Variants in TBL1XR1 observed in about 807,000 individuals in gnomAD.
TBL1XR1 encodes F-box-like/WD repeat-containing protein TBL1XR1.
Under a neutral mutation model 66.9 loss-of-function variants are expected in TBL1XR1, and 5 were observed. That is an observed-to-expected ratio of 0.07 (90% CI 0.04 to 0.16). The LOEUF (loss-of-function observed/expected upper bound fraction) is 0.16, where lower values mean the gene tolerates loss of function less well. Ranked by LOEUF, TBL1XR1 falls within the 10% of genes least tolerant of loss-of-function variation. The pLI is 1.00. For missense variants in TBL1XR1, 238 were observed against 623.2 expected, an observed-to-expected ratio of 0.38 and a Z score of 6.58; for synonymous variants, 210 against 206.0, an observed-to-expected ratio of 1.02 and a Z score of -0.17.
intron 2 of TBL1XR1, among the ~76,000 whole-genome samples, chr3:177,075,770 C>T (rs1393181669): frequency 6.6e-6 from 1 of 152,122 alleles, no homozygotes; most frequent in Non-Finnish European, 1.5e-5. Flanking sequence ...TGCTTTCTAG[C>T]AAAGTTCTAA....
chr3:177,156,514 T>TACATACAC (rs1553858975), intron 1 of TBL1XR1, among the ~76,000 whole-genome samples: 792 of 60,498 alleles, frequency 0.013, 11 homozygotes, highest in African/African-American at 0.031. Flanking sequence ...ATTATATATA[T>TACATACAC]ACATACACAC....
intron 3 of TBL1XR1, among the ~76,000 whole-genome samples, chr3:177,063,738 A>G (rs1390061146): frequency 6.6e-6 from 1 of 152,222 alleles, no homozygotes; most frequent in African/African-American, 2.4e-5. Flanking sequence ...AACAAGAGCT[A>G]TTAACTTCAA....
rs761210577 is a variant in TBL1XR1 at position 177,026,481 on chromosome 3, G to A, written c.1417-7C>T. 6.4e-7 allele frequency: 1 copy of A among 1,567,096 alleles called. No homozygotes were observed. Among genetic ancestry groups the A allele is most frequent in the Non-Finnish European group, 8.6e-7 (1 of 1,163,876 alleles). On this transcript the variant is annotated splice_polypyrimidine_tract_variant and splice_region_variant and intron_variant, in intron 14 of 15. Transcript: ENST00000457928. ...TGTGAACTAGAGCACCTGTCTAAAA[G>A]AATGAAAAACAAAATCTTAAAAATC...
At chr3:177,171,135 G>GT (rs1733439167) in intron 1 of TBL1XR1, among the ~76,000 whole-genome samples, 2 of 151,320 alleles carry the variant, frequency 1.3e-5, no homozygotes, top group Admixed American at 6.6e-5. Context: ...GAGGTCAGGT[G>GT]TTTAAGACAC....
intron 10 of TBL1XR1, among the ~76,000 whole-genome samples, chr3:177,040,648 T>A (rs920936148): frequency 5.9e-5 from 9 of 151,996 alleles, no homozygotes; most frequent in East Asian, 1.9e-4. Context: ...TTTTTTTTTT[T>A]AAAAGATAAA....
intron 1 of TBL1XR1, among the ~76,000 whole-genome samples, chr3:177,135,429 G>A (rs1462205151): frequency 7.1e-6 from 1 of 140,332 alleles, no homozygotes; most frequent in East Asian, 2.0e-4. Context: ...TGTCGCCCAG[G>A]CTGGAGTACA....
chr3:177,054,081 C>T (rs559205936), intron 3 of TBL1XR1, among the ~76,000 whole-genome samples, 163 bp from the exon 4 acceptor site: 97 of 150,370 alleles, frequency 6.5e-4, no homozygotes, highest in African/African-American at 1.7e-3. Context: ...TGTGCGCGCG[C>T]GTGTGTGTGC....
At chr3:177,124,821 ATC>A (rs1727413751) in intron 1 of TBL1XR1, among the ~76,000 whole-genome samples, 1 of 152,176 alleles carries the variant, frequency 6.6e-6, no homozygotes, top group Non-Finnish European at 1.5e-5. Flanking sequence ...ATTCATAAAA[ATC>A]TGTCACTGTA....
At chr3:177,186,425 A>G (rs1430347135) in intron 1 of TBL1XR1, among the ~76,000 whole-genome samples, 2 of 152,200 alleles carry the variant, frequency 1.3e-5, no homozygotes, top group African/African-American at 4.8e-5. Context: ...AGATAAATTC[A>G]TTATCTATTC....
At chr3:177,198,328 CTGTT>C (rs1372306788), upstream of TBL1XR1, among the ~76,000 whole-genome samples, 1 of 152,110 alleles carries the variant, frequency 6.6e-6, no homozygotes, top group Non-Finnish European at 1.5e-5. Context: ...TCTGGTGGGT[CTGTT>C]TGAAAGGTTT....
intron 2 of TBL1XR1, among the ~76,000 whole-genome samples, chr3:177,065,623 T>C (rs1261135009): frequency 6.6e-6 from 1 of 152,316 alleles, no homozygotes; most frequent in East Asian, 1.9e-4. Flanking sequence ...ACTTAAACCT[T>C]AACACGAAGT....
At chr3:177,125,346 A>G (rs1029081222) in intron 1 of TBL1XR1, among the ~76,000 whole-genome samples, 2 of 152,166 alleles carry the variant, frequency 1.3e-5, no homozygotes, top group African/African-American at 2.4e-5. Flanking sequence ...CAAAATCACA[A>G]TGAGGTGCCA....
chr3:177,061,525 C>T (rs961911126), intron 3 of TBL1XR1, among the ~76,000 whole-genome samples: 1 of 152,122 alleles, frequency 6.6e-6, no homozygotes, highest in Non-Finnish European at 1.5e-5. Context: ...ACAGGCCAGG[C>T]GGAAATTTTA....
At chr3:177,090,820 A>G (rs1324857625) in intron 2 of TBL1XR1, among the ~76,000 whole-genome samples, 1 of 151,972 alleles carries the variant, frequency 6.6e-6, no homozygotes, top group East Asian at 1.9e-4. Flanking sequence ...GAAATAAAAT[A>G]AAATAGAAGT....
chr3:177,176,586 G>T (rs1041258512), intron 1 of TBL1XR1, among the ~76,000 whole-genome samples: 3 of 150,620 alleles, frequency 2.0e-5, no homozygotes, highest in Non-Finnish European at 4.4e-5. Flanking sequence ...GCCAAGGCAG[G>T]TGAATCACCT....
Position 177,038,341 on chromosome 3 carries a change from C to T in TBL1XR1, c.1019G>A (p.Arg340Lys). ...ATGTCCTTGGAATGTTTTAATAGGT[C>T]TGTCTTGTCCTAATTTACAGACATG... is the stretch of plus-strand genomic sequence containing the variant. Reference protein sequence around the residue: ...CIHVCKLGQDRPIKTFQGHTN... With the variant: ...CIHVCKLGQDKPIKTFQGHTN... Residue 340 changes from arginine (R) to lysine (K), a missense_variant, in exon 11 of 16, where the codon AGA becomes AAA. Coordinates refer to ENST00000457928, the MANE Select transcript of TBL1XR1 (RefSeq NM_024665.7). The T allele has an allele frequency of 6.3e-7, 1 of 1,594,358 alleles. No homozygotes were observed. Among genetic ancestry groups the T allele is most frequent in the Non-Finnish European group, 8.6e-7 (1 of 1,169,022 alleles).
chr3:177,131,703 T>C (rs1335550379), intron 1 of TBL1XR1, among the ~76,000 whole-genome samples: 1 of 152,038 alleles, frequency 6.6e-6, no homozygotes, highest in East Asian at 1.9e-4. Flanking sequence ...GGTTTCACCA[T>C]GTTGGCCAGG....
intron 2 of TBL1XR1, among the ~76,000 whole-genome samples, chr3:177,090,221 G>A (rs1722651537): frequency 6.6e-6 from 1 of 152,158 alleles, no homozygotes; most frequent in Admixed American, 6.5e-5. Flanking sequence ...GTTTACATTT[G>A]AGCAAGATAA....
At chr3:177,053,098 T>A (rs1356184828) in intron 4 of TBL1XR1, among the ~76,000 whole-genome samples, 2 of 152,120 alleles carry the variant, frequency 1.3e-5, no homozygotes, top group African/African-American at 4.8e-5. Flanking sequence ...CGAGATTCCG[T>A]CACACACAAA....
Sources: gnomAD v4.1 joint callset for allele counts (sites outside exome capture counted in the v4.1 genomes callset) on GRCh38, gnomAD v4.1.1 for gene constraint, MANE v1.5 for transcripts, NCBI Gene and HGNC (gene_info 2026-07-23, HGNC 2026-07-21) for gene names.